The following ZNF385D variants were observed in gnomAD, a reference collection of about 807,000 sequenced individuals.
The protein encoded by ZNF385D is zinc finger protein 659.
In ZNF385D, 15 loss-of-function variants were observed where a neutral mutation model predicts 35.8. The ratio of observed to expected loss-of-function variants is 0.42; its 90% CI spans 0.28 to 0.64. The LOEUF (loss-of-function observed/expected upper bound fraction) is 0.64, where lower values mean the gene tolerates loss of function less well. Among genes scored for constraint, ZNF385D ranks in the 30% least tolerant of loss-of-function variants. The pLI is 0.23. For missense variants in ZNF385D, 474 were observed against 494.6 expected (o/e 0.96, Z 0.39); for synonymous variants, 212 against 186.8 (o/e 1.13, Z -1.10).
At chr3:21,524,894 A>G (rs1450129970) in intron 3 of ZNF385D, among the ~76,000 whole-genome samples, 2 of 152,204 alleles carry the variant, frequency 1.3e-5, no homozygotes, top group South Asian at 2.1e-4. Context: ...AACTAAGACT[A>G]TTAGTTGAAT....
chr3:22,088,119 A>G (rs1189240766), intron 3 of ZNF385D, among the ~76,000 whole-genome samples: 2 of 152,208 alleles, frequency 1.3e-5, no homozygotes, highest in Non-Finnish European at 2.9e-5. Context: ...ATCAACGCAA[A>G]GCATGGAAGG....
At chr3:22,134,715 G>C (rs772934354) in intron 3 of ZNF385D, among the ~76,000 whole-genome samples, 1 of 152,168 alleles carries the variant, frequency 6.6e-6, no homozygotes, top group Non-Finnish European at 1.5e-5. Context: ...CAGCACTAGA[G>C]GCTGAGAAGT....
chr3:21,977,589 TG>T (rs1380401859), intron 3 of ZNF385D, among the ~76,000 whole-genome samples: 3 of 152,066 alleles, frequency 2.0e-5, no homozygotes, highest in Non-Finnish European at 4.4e-5. Context: ...GAGGCCATAG[TG>T]GGAAGAGTGC....
rs937313212 is a variant in ZNF385D, at chr3:22,340,090, A to G, written c.106+32360T>C. 4.6e-5 allele frequency among the ~76,000 whole-genome samples: 7 copies of G among 152,228 alleles called. No homozygotes were observed. In the South Asian group the frequency reaches 1.4e-3, roughly 31 times the overall value. Reference sequence around the variant, plus strand: ...AATTTCATTAAACAAATTAAAATACATTAAGTATTATCCATGAATGAAAAT... The same window carrying G: ...AATTTCATTAAACAAATTAAAATACGTTAAGTATTATCCATGAATGAAAAT... On this transcript the variant is annotated intron_variant, in intron 2 of 5. Transcript: ENST00000494108.
intron 3 of ZNF385D, among the ~76,000 whole-genome samples, chr3:21,763,635 A>G (rs1202833895): frequency 6.6e-6 from 1 of 152,184 alleles, no homozygotes; most frequent in African/African-American, 2.4e-5. Flanking sequence ...GGCACTTCCT[A>G]TAAATAAAAC....
intron 4 of ZNF385D, among the ~76,000 whole-genome samples, chr3:21,491,001 T>C (rs979476790): frequency 9.4e-6 from 1 of 105,874 alleles, no homozygotes; most frequent in African/African-American, 3.7e-5. Flanking sequence ...AACTTCTAAA[T>C]TGGCAGCTAT....
At chr3:22,175,267 A>G (rs1017157048) in intron 2 of ZNF385D, among the ~76,000 whole-genome samples, 4 of 152,090 alleles carry the variant, frequency 2.6e-5, no homozygotes, top group Non-Finnish European at 5.9e-5. Flanking sequence ...GAAAGCATTT[A>G]AAATCACCTT....
intron 2 of ZNF385D, among the ~76,000 whole-genome samples, chr3:22,230,202 C>A (rs557779808): frequency 5.3e-5 from 8 of 152,096 alleles, no homozygotes; most frequent in Non-Finnish European, 7.4e-5. Context: ...ATTGCACCAC[C>A]ATTTGGGTTC....
intron 4 of ZNF385D, among the ~76,000 whole-genome samples, chr3:21,473,380 C>T (rs1704025753): frequency 6.6e-6 from 1 of 152,046 alleles, no homozygotes; most frequent in Non-Finnish European, 1.5e-5. Flanking sequence ...AATTAGATTA[C>T]GTGAGATTGA....
At chr3:21,786,577 C>T (rs2071698175) in intron 3 of ZNF385D, among the ~76,000 whole-genome samples, 1 of 152,176 alleles carries the variant, frequency 6.6e-6, no homozygotes, top group African/African-American at 2.4e-5. Flanking sequence ...TCAATCTATG[C>T]TAGGCCATCA....
At chr3:22,202,559 G>C (rs1039804658) in intron 2 of ZNF385D, among the ~76,000 whole-genome samples, 7 of 152,082 alleles carry the variant, frequency 4.6e-5, no homozygotes, top group Non-Finnish European at 1.0e-4. Flanking sequence ...ACAACTTTCT[G>C]TACCAAAAAG....
intron 1 of ZNF385D, among the ~76,000 whole-genome samples, chr3:21,740,417 T>G (rs1184613131): frequency 1.3e-5 from 2 of 152,178 alleles, no homozygotes; most frequent in African/African-American, 2.4e-5. Flanking sequence ...AGGTAATTTG[T>G]ACAAACACTA....
At chr3:22,284,800 G>A (rs1351260476) in intron 2 of ZNF385D, among the ~76,000 whole-genome samples, 1 of 152,088 alleles carries the variant, frequency 6.6e-6, no homozygotes, top group Non-Finnish European at 1.5e-5. Context: ...AATGTCAGGA[G>A]ATAGGAGAAA....
chr3:21,750,923 G>A lies in ZNF385D; in HGVS notation c.-7C>T. The A allele has an allele frequency of 7.4e-6, 12 of 1,614,122 alleles. No individual in the cohort carries two copies. Among genetic ancestry groups the A allele is most frequent in the Non-Finnish European group, 1.0e-5 (12 of 1,180,028 alleles). ...AATACATTATGTTTCTCATTAATCA[G>A]ACAGCTGGAATCCCACCGCGGTGTC... On this transcript the variant is annotated 5_prime_UTR_variant, in exon 1 of 8. Transcript: ENST00000281523.
At chr3:22,201,447 A>C (rs1696792499) in intron 2 of ZNF385D, among the ~76,000 whole-genome samples, 1 of 152,174 alleles carries the variant, frequency 6.6e-6, no homozygotes, top group Non-Finnish European at 1.5e-5. Flanking sequence ...TGTAGAAGAA[A>C]GCTCTAAGTC....
chr3:21,674,996 A>G (rs570184380), intron 1 of ZNF385D, among the ~76,000 whole-genome samples: 1 of 152,154 alleles, frequency 6.6e-6, no homozygotes, highest in South Asian at 2.1e-4. Context: ...CTGAATCATC[A>G]CAGCCTGCTG....
intron 3 of ZNF385D, among the ~76,000 whole-genome samples, chr3:22,096,418 T>G (rs1701636104): frequency 6.6e-6 from 1 of 152,054 alleles, no homozygotes; most frequent in Non-Finnish European, 1.5e-5. Flanking sequence ...ATTATAAAAT[T>G]TCTTACAAAA....
chr3:22,136,997 T>A (rs6775836), intron 3 of ZNF385D, among the ~76,000 whole-genome samples: 1 of 152,014 alleles, frequency 6.6e-6, no homozygotes, highest in Non-Finnish European at 1.5e-5. Context: ...GATCATGTAG[T>A]GGTGGATATA....
chr3:22,305,440 T>C (rs1575081128), intron 2 of ZNF385D, among the ~76,000 whole-genome samples: 1 of 152,192 alleles, frequency 6.6e-6, no homozygotes, highest in African/African-American at 2.4e-5. Flanking sequence ...AAAATCTCAG[T>C]GGCTTAAAGC....
Sources: gnomAD v4.1 joint callset for allele counts (sites outside exome capture counted in the v4.1 genomes callset) on GRCh38, gnomAD v4.1.1 for gene constraint, MANE v1.5 for transcripts, NCBI Gene and HGNC (gene_info 2026-07-23, HGNC 2026-07-21) for gene names.